The following TTC8 variants were observed in gnomAD, a reference collection of about 807,000 sequenced individuals.
TTC8 encodes tetratricopeptide repeat protein 8.
A neutral mutation model predicts 72.5 loss-of-function variants in TTC8; 47 were observed. That is an observed-to-expected ratio of 0.65 (90% CI 0.51 to 0.83). The LOEUF (loss-of-function observed/expected upper bound fraction) is 0.83, where lower values mean the gene tolerates loss of function less well. Ranked by LOEUF, TTC8 falls within the 40% of genes least tolerant of loss-of-function variation. TTC8 has a pLI of 0.00. For missense variants in TTC8, 611 were observed against 623.2 expected, an observed-to-expected ratio of 0.98 and a Z score of 0.21; for synonymous variants, 199 against 221.4, an observed-to-expected ratio of 0.90 and a Z score of 0.90.
In TTC8 at chr14:88,824,689, G is replaced by T. The variant is rs778208249; in HGVS notation, c.-19G>T. 1.9e-6 allele frequency: 3 copies of T among 1,580,574 alleles called. No homozygotes were observed. The Admixed American group carries it at 5.3e-5, about 28-fold the overall frequency. ...CTCTCTCCTGGAGCGCTGGGCCTTCGCTGGCCGCACCGGCAGCCATGAGCT... is the reference window on the plus strand; with the variant it reads ...CTCTCTCCTGGAGCGCTGGGCCTTCTCTGGCCGCACCGGCAGCCATGAGCT... On this transcript the variant is annotated 5_prime_UTR_variant, in exon 1 of 15. Coordinates refer to ENST00000380656, the MANE Select transcript of TTC8 (RefSeq NM_144596.4).
chr14:88,842,004 C>G (rs1023454560), intron 6 of TTC8, among the ~76,000 whole-genome samples: 1 of 151,918 alleles, frequency 6.6e-6, no homozygotes, highest in Admixed American at 6.6e-5. Context: ...TAGTAATTAT[C>G]ACTACTCAAA....
At chr14:88,858,253 A>G (rs1224000635) in intron 9 of TTC8, among the ~76,000 whole-genome samples, 1 of 152,100 alleles carries the variant, frequency 6.6e-6, no homozygotes, top group Non-Finnish European at 1.5e-5. Flanking sequence ...GGGAGCCACC[A>G]TGCCTGGCCA....
chr14:88,869,240 T>G (rs976665750), intron 10 of TTC8, among the ~76,000 whole-genome samples: 1 of 152,198 alleles, frequency 6.6e-6, no homozygotes, highest in African/African-American at 2.4e-5. Context: ...ATAACATTCA[T>G]TGATAACATT....
chr14:88,824,658 G>A lies in TTC8; in HGVS notation c.-50G>A. The stretch of plus-strand genomic sequence containing the variant: ...GGACGCCGCCAGCTCTTCACTCCAC[G>A]CCCACCTCTCTCCTGGAGCGCTGGG... On this transcript the variant is annotated 5_prime_UTR_variant, in exon 1 of 15. Transcript: ENST00000380656. 1.3e-6 allele frequency: 2 copies of A among 1,488,520 alleles called. No individual in the cohort carries two copies. Among genetic ancestry groups the A allele is most frequent in the African/African-American group, 1.4e-5 (1 of 72,186 alleles). 92.2% of individuals were successfully genotyped at this position (1,488,520 alleles called of 1,614,324 possible). A position where few individuals can be genotyped will look rare whatever the true frequency, so the allele number is the denominator to read the frequency against.
At chr14:88,848,394 T>C (rs2094818585) in intron 7 of TTC8, among the ~76,000 whole-genome samples, 1 of 152,108 alleles carries the variant, frequency 6.6e-6, no homozygotes, top group Non-Finnish European at 1.5e-5. Context: ...GTACCACAAT[T>C]TGGAAAACAA....
intron 8 of TTC8, among the ~76,000 whole-genome samples, chr14:88,854,949 G>C (rs2094849502): frequency 6.6e-6 from 1 of 152,170 alleles, no homozygotes; most frequent in Admixed American, 6.5e-5. Flanking sequence ...GGCATCCTAA[G>C]GTGCTGGGAT....
Position 88,872,326 on chromosome 14 carries a change from G to A in TTC8, c.1225-4G>A, listed in dbSNP as rs2094937777. ...TGGGTGTGAACATAGGCTTTCTTTTGTAGGGAATAGGAGATACAAATTTGG... is the reference window on the plus strand; with the variant it reads ...TGGGTGTGAACATAGGCTTTCTTTTATAGGGAATAGGAGATACAAATTTGG... On this transcript the variant is annotated splice_region_variant and splice_polypyrimidine_tract_variant and intron_variant, in intron 12 of 14. Transcript: ENST00000380656. 3.7e-6 allele frequency: 6 copies of A among 1,613,536 alleles called. No homozygotes were observed. Among genetic ancestry groups the A allele is most frequent in the Non-Finnish European group, 2.5e-6 (3 of 1,179,730 alleles).
chr14:88,862,522 TTC>T (rs1262811355), intron 10 of TTC8, among the ~76,000 whole-genome samples: 2 of 88,770 alleles, frequency 2.3e-5, no homozygotes, highest in Admixed American at 1.4e-4. Context: ...TTACATTCCA[TTC>T]TCTCTCTCTC....
chr14:88,875,200 C>A, intron 14 of TTC8, 91 bp downstream of exon 14: 2 of 1,071,138 alleles, frequency 1.9e-6, no homozygotes, highest in Non-Finnish European at 2.8e-6. Flanking sequence ...AAATTCTAAC[C>A]TCATCTTCCT....
chr14:88,828,468 T>C (rs907837530), intron 1 of TTC8, among the ~76,000 whole-genome samples: 1 of 152,250 alleles, frequency 6.6e-6, no homozygotes, highest in African/African-American at 2.4e-5. Flanking sequence ...TCTATAACTA[T>C]TTGAATTACT....
chr14:88,832,190 A>G (rs2094728869), intron 1 of TTC8, among the ~76,000 whole-genome samples: 2 of 152,244 alleles, frequency 1.3e-5, no homozygotes, highest in Admixed American at 6.5e-5. Context: ...CCTGAAGGGC[A>G]GAGGAACAAG....
downstream of TTC8, chr14:88,880,120 A>G (rs2094969235): frequency 6.6e-6 from 1 of 152,206 alleles, no homozygotes; most frequent in Non-Finnish European, 1.5e-5. Context: ...AAAATAACCC[A>G]GAAATCAAGT....
chr14:88,857,888 C>G (rs2094864494), intron 9 of TTC8, among the ~76,000 whole-genome samples: 1 of 151,994 alleles, frequency 6.6e-6, no homozygotes. Flanking sequence ...TTTCTGACTC[C>G]AGACCTAGTC....
chr14:88,852,853 C>A, intron 7 of TTC8, 118 bp from the exon 8 acceptor site: 1 of 893,348 alleles, frequency 1.1e-6, no homozygotes, highest in Admixed American at 2.1e-5. Context: ...GAGTTTCTGT[C>A]GGATTTCTAA....
At chr14:88,864,973 T>TA (rs1312406168) in intron 10 of TTC8, among the ~76,000 whole-genome samples, 2 of 152,226 alleles carry the variant, frequency 1.3e-5, no homozygotes, top group Admixed American at 6.5e-5. Context: ...TTCTTTTTTT[T>TA]ATCTTTCATT....
At chr14:88,833,956 G>C in intron 2 of TTC8, 1 of 544,520 alleles carries the variant, frequency 1.8e-6, no homozygotes, top group Non-Finnish European at 3.3e-6. Context: ...TTGGGACTTG[G>C]AGCTTAAATG....
chr14:88,841,148 A>G lies in TTC8; in HGVS notation c.441A>G (p.Thr147=). The change falls in exon 5 of 15, where the codon ACA becomes ACG. Residue 147 remains threonine (T), a synonymous_variant. Coordinates refer to ENST00000380656, the MANE Select transcript of TTC8 (RefSeq NM_144596.4). The stretch of plus-strand genomic sequence containing the variant: ...TCAGAACACCCAGAACCGCCTACAC[A>G]GCCCGCCCTATCACCAGCTCCTCCG... ...QAIRTPRTAY[T]ARPITSSSGR... is the part of the protein sequence containing the mutation. 6.2e-7 allele frequency: 1 copy of G among 1,614,108 alleles called. No individual in the cohort carries two copies. The highest frequency in any genetic ancestry group is 8.5e-7 in the Non-Finnish European group (1 of 1,180,010).
At position 88,871,171 on chromosome 14, in the gene TTC8, G is replaced by A. The variant is rs1353037780; in HGVS notation, c.1050-378G>A. Among the ~76,000 whole-genome samples the A allele has an allele frequency of 2.0e-5, 3 of 152,198 alleles. No individual in the cohort carries two copies. Among genetic ancestry groups the A allele is most frequent in the African/African-American group, 4.8e-5 (2 of 41,448 alleles). The stretch of plus-strand genomic sequence containing the variant: ...GAAAACGTAGAGGTTAATGCTAAAC[G>A]CAGTCCTCAAATTAGATTAGGTTTT... On this transcript the variant is annotated intron_variant, in intron 11 of 14. Coordinates refer to ENST00000380656, the MANE Select transcript of TTC8 (RefSeq NM_144596.4). The surrounding 1 kb of genome is among the most constrained non-coding windows in gnomAD (Gnocchi z 4.1).
In TTC8 at chr14:88,839,351, T is replaced by C. The variant is rs190949779; in HGVS notation, c.145-101T>C. 976 of 1,244,588 alleles carry C rather than the reference T, an allele frequency of 7.8e-4. 21 individuals carry two copies. The East Asian group carries it at 0.019, about 24-fold the overall frequency. 77.1% of individuals were successfully genotyped at this position (1,244,588 alleles called of 1,614,324 possible). ...TGTGTTAAGAGGTAAACATGTTTAA[T>C]ATAAAATGAAATAACAACAATGAAG... On this transcript the variant is annotated intron_variant, in intron 2 of 14. Transcript: ENST00000380656.
Sources: gnomAD v4.1 joint callset for allele counts (sites outside exome capture counted in the v4.1 genomes callset) on GRCh38, gnomAD v4.1.1 for gene constraint, Gnocchi (gnomAD v3.1) non-coding constraint, MANE v1.5 for transcripts, NCBI Gene and HGNC (gene_info 2026-07-23, HGNC 2026-07-21) for gene names.